Variants in NPHS2 observed in about 807,000 individuals in gnomAD.
The protein encoded by NPHS2 is podocin.
NPHS2 carries 36 observed loss-of-function variants against 37.1 expected under a neutral mutation model. The observed-to-expected ratio is 0.97, with a 90% CI of 0.74 to 1.28. NPHS2 has a LOEUF of 1.28. Ranked by LOEUF, NPHS2 falls within the 50% of genes most tolerant of loss-of-function variation. The pLI is 0.00. For synonymous variants in NPHS2, 196 were observed against 189.3 expected, an observed-to-expected ratio of 1.04 and a Z score of -0.29; for missense variants, 447 against 488.1, an observed-to-expected ratio of 0.92 and a Z score of 0.79.
intron 4 of NPHS2, among the ~76,000 whole-genome samples, chr1:179,559,423 G>T (rs1674051739): frequency 6.6e-6 from 1 of 152,048 alleles, no homozygotes; most frequent in African/African-American, 2.4e-5. Context: ...TTTTTTTGTT[G>T]TTGAGATGTA....
Position 179,561,273 on chromosome 1 carries a change from A to C in NPHS2, c.451+16T>G. ...TCAGGAGAGAGGTGTTTAGAAAAAAAAGAGTGTTTTTTTACCAGGGCCTTT... is the reference window on the plus strand; with the variant it reads ...TCAGGAGAGAGGTGTTTAGAAAAAACAGAGTGTTTTTTTACCAGGGCCTTT... On this transcript the variant is annotated intron_variant, in intron 3 of 7. Transcript: ENST00000367615. 1 of 1,603,150 alleles carries C rather than the reference A, an allele frequency of 6.2e-7. No individual in the cohort carries two copies. The highest frequency in any genetic ancestry group is 8.5e-7 in the Non-Finnish European group (1 of 1,169,944).
rs776132077 is a variant in NPHS2 at position 179,575,733 on chromosome 1, C to T, written c.132G>A (p.Glu44=). Residue 44 remains glutamate (E), a synonymous_variant, in exon 1 of 8, where the codon GAG becomes GAA. Coordinates refer to ENST00000367615, the MANE Select transcript of NPHS2 (RefSeq NM_014625.4). ...TCCCCGCCCGTCCGGAGCCCGACGG[C>T]TCGGGCCCAGCCTCCTGGCGCCCGC... The part of the protein sequence containing the change: ...GGRGRQEAGP[E]PSGSGRAGTP... The T allele has an allele frequency of 2.6e-6, 4 of 1,532,802 alleles. No individual in the cohort carries two copies. Among genetic ancestry groups the T allele is most frequent in the South Asian group, 1.2e-5 (1 of 83,200 alleles). The allele number at this position is 1,532,802 out of a possible 1,614,324, so 95.0% of individuals were successfully genotyped here.
chr1:179,557,574 A>C (rs1429269304), intron 4 of NPHS2, among the ~76,000 whole-genome samples: 1 of 152,188 alleles, frequency 6.6e-6, no homozygotes, highest in African/African-American at 2.4e-5. Context: ...CAAGCACTCT[A>C]ATGTGTTGCT....
intron 1 of NPHS2, among the ~76,000 whole-genome samples, chr1:179,567,446 T>A (rs1298562636): frequency 1.3e-5 from 2 of 152,238 alleles, no homozygotes; most frequent in Non-Finnish European, 2.9e-5. Flanking sequence ...AAGTTGCTTA[T>A]CAGCTTAAGG....
In NPHS2 at chr1:179,570,961, G is replaced by A. The variant is rs537680845; in HGVS notation, c.274+4630C>T. On this transcript the variant is annotated intron_variant, in intron 1 of 7. Coordinates refer to ENST00000367615, the MANE Select transcript of NPHS2 (RefSeq NM_014625.4). ...TACTGTTTATTCTAGTTAGCCATTC[G>A]TCTAATCTTTTTTAAAGGTTTTAAG... 4.7e-4 allele frequency among the ~76,000 whole-genome samples: 72 copies of A among 152,224 alleles called. 1 individual carries two copies. The South Asian group carries it at 0.014, about 29-fold the overall frequency.
At chr1:179,554,630 T>G in intron 5 of NPHS2, 99 bp from the exon 6 acceptor site, 1 of 1,518,430 alleles carries the variant, frequency 6.6e-7, no homozygotes, top group Non-Finnish European at 9.1e-7. Flanking sequence ...GGAACAACAT[T>G]CCCTTTGAAA....
chr1:179,569,485 C>A (rs924165825), intron 1 of NPHS2, among the ~76,000 whole-genome samples: 13 of 152,166 alleles, frequency 8.5e-5, no homozygotes, highest in Non-Finnish European at 1.3e-4. Context: ...TGGGTCTTGA[C>A]TCTTTATCCA....
chr1:179,566,920 C>T (rs1674355953), intron 1 of NPHS2, among the ~76,000 whole-genome samples: 1 of 152,168 alleles, frequency 6.6e-6, no homozygotes, highest in South Asian at 2.1e-4. Flanking sequence ...TTCCATTGGT[C>T]TATACCTCTG....
At chr1:179,564,859 G>C in intron 1 of NPHS2, 66 bp from the exon 2 acceptor site, 1 of 1,291,390 alleles carries the variant, frequency 7.7e-7, no homozygotes, top group South Asian at 1.2e-5. Context: ...ACTAGCATCT[G>C]TTGGTCCAAT....
chr1:179,554,945 A>G (rs1320833433), intron 5 of NPHS2, among the ~76,000 whole-genome samples: 1 of 152,196 alleles, frequency 6.6e-6, no homozygotes, highest in Non-Finnish European at 1.5e-5. Flanking sequence ...TGACTACAGA[A>G]GAAGAGAAGG....
Position 179,575,696 on chromosome 1 carries a change from G to A in NPHS2, c.169C>T (p.Pro57Ser). ...GSGRAGTPGE[P>S]RAPAATVVDV... is the part of the protein sequence containing the mutation. Reference sequence around the variant, plus strand: ...ACCACCGTGGCGGCGGGCGCTCGGGGCTCCCCCGGGGTCCCCGCCCGTCCG... The same window carrying A: ...ACCACCGTGGCGGCGGGCGCTCGGGACTCCCCCGGGGTCCCCGCCCGTCCG... The change falls in exon 1 of 8, where the codon CCC becomes TCC. Residue 57 changes from proline to serine, a missense_variant. By Grantham distance (74) the Pro-to-Ser change is moderately conservative. Transcript: ENST00000367615. 1.3e-6 allele frequency: 2 copies of A among 1,582,650 alleles called. No individual in the cohort carries two copies. Among genetic ancestry groups the A allele is most frequent in the Non-Finnish European group, 8.5e-7 (1 of 1,170,190 alleles).
chr1:179,552,573 G>A, intron 7 of NPHS2, 30 bp downstream of exon 7: 2 of 1,585,020 alleles, frequency 1.3e-6, no homozygotes, highest in Non-Finnish European at 1.7e-6. Context: ...TTCCTAAAGG[G>A]CAGTCTGGGT....
chr1:179,551,542 G>T, intron 7 of NPHS2, 91 bp from the exon 8 acceptor site: 2 of 1,466,988 alleles, frequency 1.4e-6, no homozygotes, highest in Non-Finnish European at 1.9e-6. Context: ...CAAGCACTGA[G>T]CATCTACTAT....
At chr1:179,565,319 G>A (rs1359296533) in intron 1 of NPHS2, among the ~76,000 whole-genome samples, 3 of 151,988 alleles carry the variant, frequency 2.0e-5, no homozygotes, top group African/African-American at 4.8e-5. Flanking sequence ...ACTGGAACAG[G>A]CACAAAATTT....
chr1:179,561,487 A>C (rs1674137003), intron 2 of NPHS2, 126 bp from the exon 3 acceptor site: 2 of 702,524 alleles, frequency 2.8e-6, no homozygotes, highest in Non-Finnish European at 5.1e-6. Context: ...AATTTCTATT[A>C]ATACTTAAGT....
chr1:179,551,735 C>A, intron 7 of NPHS2: 1 of 419,270 alleles, frequency 2.4e-6, no homozygotes. Flanking sequence ...TAGGATTTTG[C>A]CAACATAGAG....
At chr1:179,574,801 A>G (rs1420517917) in intron 1 of NPHS2, among the ~76,000 whole-genome samples, 1 of 152,226 alleles carries the variant, frequency 6.6e-6, no homozygotes, top group Non-Finnish European at 1.5e-5. Context: ...ACTCATTATA[A>G]AAAAGACTGG....
At chr1:179,572,473 A>T (rs1674600924) in intron 1 of NPHS2, among the ~76,000 whole-genome samples, 1 of 152,228 alleles carries the variant, frequency 6.6e-6, no homozygotes, top group Non-Finnish European at 1.5e-5. Context: ...TCTCAAGAAC[A>T]CAAGCTTCTT....
chr1:179,567,645 G>T (rs936308358), intron 1 of NPHS2, among the ~76,000 whole-genome samples: 3 of 152,186 alleles, frequency 2.0e-5, no homozygotes, highest in Admixed American at 2.0e-4. Flanking sequence ...TCTTGTGCTG[G>T]TTTTCAAAGG....
Sources: allele counts gnomAD v4.1 joint callset (sites outside exome capture counted in the v4.1 genomes callset), GRCh38; gene constraint gnomAD v4.1.1; transcripts MANE v1.5; gene names NCBI Gene and HGNC (gene_info 2026-07-23, HGNC 2026-07-21).